Variants in DLG1 observed in about 807,000 individuals in gnomAD.
DLG1 encodes the protein disks large homolog 1.
DLG1 carries 42 observed loss-of-function variants against 123.4 expected under a neutral mutation model. The ratio of observed to expected loss-of-function variants is 0.34; its 90% CI spans 0.27 to 0.44. DLG1 has a LOEUF of 0.44. DLG1 is among the 20% of genes least tolerant of loss of function. The pLI, the probability that DLG1 is intolerant of heterozygous loss-of-function variation, is 1.00. For synonymous variants in DLG1, 317 were observed against 356.2 expected (o/e 0.89, Z 1.24); for missense variants, 942 against 1,082.6 (o/e 0.87, Z 1.82).
At chr3:197,182,665 T>C (rs1713024477) in intron 5 of DLG1, among the ~76,000 whole-genome samples, 2 of 151,626 alleles carry the variant, frequency 1.3e-5, no homozygotes. Flanking sequence ...CTAATTTAAA[T>C]ATCACTGATG....
chr3:197,171,473 T>A (rs1804157884), intron 5 of DLG1, among the ~76,000 whole-genome samples: 1 of 152,192 alleles, frequency 6.6e-6, no homozygotes, highest in African/African-American at 2.4e-5. Flanking sequence ...AACACATTTT[T>A]AAACAAATCA....
intron 5 of DLG1, among the ~76,000 whole-genome samples, chr3:197,180,411 C>T (rs371897656): frequency 2.6e-5 from 4 of 151,978 alleles, no homozygotes; most frequent in African/African-American, 9.7e-5. Context: ...ATAGGAGGGA[C>T]GCTGAGGGTG....
At chr3:197,172,965 C>A (rs1244495240) in intron 5 of DLG1, among the ~76,000 whole-genome samples, 1 of 152,132 alleles carries the variant, frequency 6.6e-6, no homozygotes, top group African/African-American at 2.4e-5. Flanking sequence ...ATCCATGGTG[C>A]CCTTCCTCTG....
chr3:197,127,726 C>T (rs1352584853), intron 11 of DLG1, among the ~76,000 whole-genome samples: 1 of 151,498 alleles, frequency 6.6e-6, no homozygotes, highest in Non-Finnish European at 1.5e-5. Context: ...CTCAGAATTA[C>T]AGACATACCT....
At chr3:197,071,697 T>G (rs1256555805) in intron 18 of DLG1, among the ~76,000 whole-genome samples, 1 of 152,206 alleles carries the variant, frequency 6.6e-6, no homozygotes, top group Non-Finnish European at 1.5e-5. Flanking sequence ...AGTGTTCAAG[T>G]TAATTACTTG....
chr3:197,114,551 T>G (rs546094038), intron 13 of DLG1, among the ~76,000 whole-genome samples: 1 of 152,290 alleles, frequency 6.6e-6, no homozygotes, highest in Non-Finnish European at 1.5e-5. Flanking sequence ...ATATTTACGA[T>G]TAAGGAACCA....
intron 11 of DLG1, among the ~76,000 whole-genome samples, chr3:197,122,486 T>C (rs1048205387): frequency 3.3e-5 from 5 of 151,988 alleles, no homozygotes; most frequent in Admixed American, 6.6e-5. Flanking sequence ...ATGAACAGTA[T>C]AAAGATAGGA....
At chr3:197,211,762 C>T (rs973300609) in intron 4 of DLG1, among the ~76,000 whole-genome samples, 14 of 146,180 alleles carry the variant, frequency 9.6e-5, no homozygotes, top group African/African-American at 3.4e-4. Context: ...TGGTTATATA[C>T]CTAGAGGAAT....
intron 13 of DLG1, among the ~76,000 whole-genome samples, chr3:197,109,558 G>C (rs547033355): frequency 6.6e-6 from 1 of 152,252 alleles, no homozygotes; most frequent in South Asian, 2.1e-4. Flanking sequence ...CCCTTATGTT[G>C]TTTTATATTT....
At chr3:197,105,698 C>A (rs915864287) in intron 13 of DLG1, among the ~76,000 whole-genome samples, 1 of 152,188 alleles carries the variant, frequency 6.6e-6, no homozygotes, top group African/African-American at 2.4e-5. Context: ...CAATACTTTG[C>A]GCGCATATAT....
intron 22 of DLG1, among the ~76,000 whole-genome samples, chr3:197,063,536 C>CA (rs1312118360): frequency 6.6e-6 from 1 of 152,090 alleles, no homozygotes; most frequent in Non-Finnish European, 1.5e-5. Context: ...TATTCTTTTG[C>CA]ATGTTGTGTA....
intron 15 of DLG1, among the ~76,000 whole-genome samples, chr3:197,087,085 C>G (rs1219296564): frequency 1.3e-5 from 2 of 152,220 alleles, no homozygotes; most frequent in Non-Finnish European, 2.9e-5. Flanking sequence ...CCCAAGACTA[C>G]ACACAAAACC....
At chr3:197,069,423 T>C (rs1742076319) in intron 18 of DLG1, 163 bp from the exon 19 acceptor site, 3 of 451,616 alleles carry the variant, frequency 6.6e-6, no homozygotes, top group Admixed American at 4.1e-5. Context: ...AATAAATATA[T>C]ATTAGCAAAG....
chr3:197,236,319 TA>T (rs150310402), intron 4 of DLG1, among the ~76,000 whole-genome samples: 1 of 150,852 alleles, frequency 6.6e-6, no homozygotes, highest in African/African-American at 2.4e-5. Context: ...TCTCAAAAAT[TA>T]AAAAAAAGAC....
chr3:197,251,208 A>G lies in DLG1; in HGVS notation c.318+31471T>C, dbSNP rs181842137. On this transcript the variant is annotated intron_variant, in intron 4 of 24. Coordinates refer to ENST00000667157, the MANE Select transcript of DLG1 (RefSeq NM_001366207.1). Reference sequence around the variant, plus strand: ...CAACATGGTGAAACCCAGTCTCTACAAAAACAAACAAAAAAACAAATAAAT... The same window carrying G: ...CAACATGGTGAAACCCAGTCTCTACGAAAACAAACAAAAAAACAAATAAAT... Among the ~76,000 whole-genome samples the G allele has an allele frequency of 1.3e-3, 193 of 152,074 alleles. 2 individuals are homozygous for G. Among genetic ancestry groups the G allele is most frequent in the Admixed American group, 0.01 (154 of 15,260 alleles).
At chr3:197,106,207 A>G (rs61299549) in intron 13 of DLG1, among the ~76,000 whole-genome samples, 1,640 of 152,322 alleles carry the variant, frequency 0.011, 31 homozygotes, top group African/African-American at 0.037. Flanking sequence ...GGAGTCTCAG[A>G]CCAGCCTGGC....
intron 7 of DLG1, among the ~76,000 whole-genome samples, chr3:197,142,414 T>C (rs1788496458): frequency 6.6e-6 from 1 of 152,126 alleles, no homozygotes; most frequent in African/African-American, 2.4e-5. Flanking sequence ...GAAATAAATG[T>C]ACTCTAGTAA....
chr3:197,104,673 AC>A (rs1765364903), intron 14 of DLG1, among the ~76,000 whole-genome samples: 1 of 151,974 alleles, frequency 6.6e-6, no homozygotes. Flanking sequence ...TAAGAGTGGA[AC>A]CCCGTCTCAA....
At chr3:197,289,341 T>TACACAC (rs56319334) in intron 3 of DLG1, among the ~76,000 whole-genome samples, 22,407 of 150,200 alleles carry the variant, frequency 0.15, 1,689 homozygotes, top group African/African-American at 0.17. Context: ...TACACGCGCA[T>TACACAC]ACACACACAC....
Sources: gnomAD v4.1 joint callset for allele counts (sites outside exome capture counted in the v4.1 genomes callset) on GRCh38, gnomAD v4.1.1 for gene constraint, MANE v1.5 for transcripts, NCBI Gene and HGNC (gene_info 2026-07-23, HGNC 2026-07-21) for gene names.